H2AC4: variants seen among roughly 807,000 people sequenced by gnomAD.
The protein encoded by H2AC4 is H2A clustered histone 4, also known as histone H2A type 1-B/E.
In H2AC4, 8 loss-of-function variants were observed where a neutral mutation model predicts 6.1. That is an observed-to-expected ratio of 1.31 (90% CI 0.77 to 2.36). The LOEUF (loss-of-function observed/expected upper bound fraction) is 2.36. Among genes scored for constraint, H2AC4 ranks in the 30% most tolerant of loss-of-function variants. The pLI is 0.00. For missense variants in H2AC4, 260 were observed against 180.4 expected, an observed-to-expected ratio of 1.44 and a Z score of -2.53; for synonymous variants, 129 against 78.4, an observed-to-expected ratio of 1.64 and a Z score of -3.41.
Position 26,033,496 on chromosome 6 carries a change from G to T in H2AC4, c.73C>A (p.Gln25Lys). ...AKTRSSRAGL[Q>K]FPVGRVHRLL... The stretch of plus-strand genomic sequence containing the variant: ...CGGTGCACTCGGCCCACAGGAAACT[G>T]CAAACCTGCACGAGAAGACCGAGTC... Residue 25 changes from glutamine (Q) to lysine (K), a missense_variant, in exon 1 of 1, where the codon CAG (glutamine) becomes AAG (lysine). Physicochemically the swap from Gln to Lys is moderately conservative, Grantham distance 53 (BLOSUM62 1). Transcript: ENST00000615868. The T allele has an allele frequency of 1.9e-6, 3 of 1,614,190 alleles. No individual in the cohort carries two copies. The highest frequency in any genetic ancestry group is 2.5e-6 in the Non-Finnish European group (3 of 1,180,038).
rs145791004 is a variant in H2AC4, at chr6:26,033,445, C to T, written c.124G>A (p.Glu42Lys). Residue 42 changes from glutamate to lysine, a missense_variant, in exon 1 of 1, where the codon GAG becomes AAG. Coordinates refer to ENST00000615868, the MANE Select transcript of H2AC4 (RefSeq NM_003513.3). Reference sequence around the variant, plus strand: ...ACCGGCGCGCCAGCCCCGACGCGCTCGGAGTAGTTGCCTTTGCGGAGCAGG... The same window carrying T: ...ACCGGCGCGCCAGCCCCGACGCGCTTGGAGTAGTTGCCTTTGCGGAGCAGG... ...HRLLRKGNYS[E>K]RVGAGAPVYL... 3 of 1,614,116 alleles carry T rather than the reference C, an allele frequency of 1.9e-6. No individual in the cohort carries two copies. Among genetic ancestry groups the T allele is most frequent in the Non-Finnish European group, 8.5e-7 (1 of 1,180,016 alleles).
In H2AC4 at chr6:26,033,170, AACTCTTC is replaced by A; in HGVS notation, c.392_*5del. The A allele has an allele frequency of 6.2e-7, 1 of 1,613,856 alleles. No homozygotes were observed. Among genetic ancestry groups the A allele is most frequent in the Non-Finnish European group, 8.5e-7 (1 of 1,179,954 alleles). On this transcript the variant is annotated stop_lost and 3_prime_UTR_variant, in exon 1 of 1. Transcript: ENST00000615868. ...GAAAAACAGCAGTGCATGAAGCGTT[AACTCTTC>A]ACTTTCCCTTGGCCTTATGATGGCT...
At position 26,033,442 on chromosome 6, in the gene H2AC4, G is replaced by C. The variant is rs369896892; in HGVS notation, c.127C>G (p.Arg43Gly). The C allele has an allele frequency of 2.5e-6, 4 of 1,614,052 alleles. No homozygotes were observed. In the African/African-American group the frequency reaches 5.3e-5, roughly 22 times the overall value. The change falls in exon 1 of 1, where the codon CGC becomes GGC. Residue 43 changes from arginine (R) to glycine (G), a missense_variant. Transcript: ENST00000615868. ...RLLRKGNYSE[R>G]VGAGAPVYLA... The stretch of plus-strand genomic sequence containing the variant: ...TACACCGGCGCGCCAGCCCCGACGC[G>C]CTCGGAGTAGTTGCCTTTGCGGAGC...
Position 26,033,342 on chromosome 6 carries a change from T to TA in H2AC4, c.226_227insT (p.Lys76IlefsTer16). On this transcript the variant is annotated frameshift_variant, in exon 1 of 1. Transcript: ENST00000615868. LOFTEE classifies it high-confidence loss of function. ...CAGGTGGCGCGGGATGATGCGGGTCTTCTTGTTGTCGCGGGCCGCATTGCC... is the reference window on the plus strand; with the variant it reads ...CAGGTGGCGCGGGATGATGCGGGTCTATCTTGTTGTCGCGGGCCGCATTGCC... The TA allele has an allele frequency of 1.5e-5, 24 of 1,614,066 alleles. No individual in the cohort carries two copies. The highest frequency in any genetic ancestry group is 1.9e-5 in the Non-Finnish European group (22 of 1,179,982).
In H2AC4 at chr6:26,033,145, G is replaced by C. The variant is rs753614523; in HGVS notation, c.*31C>G. ...GTTAGGCTGATTTTGTCTGCTGACA[G>C]AAAAACAGCAGTGCATGAAGCGTTA... On this transcript the variant is annotated 3_prime_UTR_variant, in exon 1 of 1. Transcript: ENST00000615868. 4 of 1,604,864 alleles carry C rather than the reference G, an allele frequency of 2.5e-6. No individual in the cohort carries two copies. The South Asian group carries it at 3.4e-5, about 13-fold the overall frequency.
Position 26,033,413 on chromosome 6 carries a change from G to T in H2AC4, c.156C>A (p.Leu52=). 1 of 1,613,940 alleles carries T rather than the reference G, an allele frequency of 6.2e-7. No homozygotes were observed. The highest frequency in any genetic ancestry group is 8.5e-7 in the Non-Finnish European group (1 of 1,179,974). Residue 52 remains leucine (L), a synonymous_variant, in exon 1 of 1, where the codon CTC becomes CTA. Coordinates refer to ENST00000615868, the MANE Select transcript of H2AC4 (RefSeq NM_003513.3). ...ERVGAGAPVY[L]AAVLEYLTAE... ...CGGTCAGGTACTCAAGCACCGCCGC[G>T]AGATACACCGGCGCGCCAGCCCCGA...
At position 26,033,344 on chromosome 6, in the gene H2AC4, C is replaced by A; in HGVS notation, c.225G>T (p.Lys75Asn). 1 of 1,614,098 alleles carries A rather than the reference C, an allele frequency of 6.2e-7. No individual in the cohort carries two copies. The highest frequency in any genetic ancestry group is 8.5e-7 in the Non-Finnish European group (1 of 1,180,012). Reference protein sequence around the residue: ...ELAGNAARDNKKTRIIPRHLQ... With the variant: ...ELAGNAARDNNKTRIIPRHLQ... Reference sequence around the variant, plus strand: ...GGTGGCGCGGGATGATGCGGGTCTTCTTGTTGTCGCGGGCCGCATTGCCCG... The same window carrying A: ...GGTGGCGCGGGATGATGCGGGTCTTATTGTTGTCGCGGGCCGCATTGCCCG... The change falls in exon 1 of 1, where the codon AAG becomes AAT. Residue 75 changes from lysine to asparagine, a missense_variant. Lys to Asn is a moderately conservative substitution (Grantham distance 94). Transcript: ENST00000615868.
chr6:26,033,432 G>A lies in H2AC4; in HGVS notation c.137C>T (p.Ala46Val), dbSNP rs535683450. 19 of 1,614,178 alleles carry A rather than the reference G, an allele frequency of 1.2e-5. No homozygotes were observed. The Admixed American group carries it at 2.7e-4, about 23-fold the overall frequency. Residue 46 changes from alanine (A) to valine (V), a missense_variant, in exon 1 of 1, where the codon GCT (alanine) becomes GTT (valine). Physicochemically the swap from Ala to Val is moderately conservative, Grantham distance 64. Coordinates refer to ENST00000615868, the MANE Select transcript of H2AC4 (RefSeq NM_003513.3). ...CGCCGCGAGATACACCGGCGCGCCA[G>A]CCCCGACGCGCTCGGAGTAGTTGCC... is the stretch of plus-strand genomic sequence containing the variant. ...RKGNYSERVG[A>V]GAPVYLAAVL...
In H2AC4 at chr6:26,033,593, G is replaced by A. The variant is rs202164203; in HGVS notation, c.-25C>T. ...TAACTACTTCTGATAAGGGAAAATC[G>A]CCACAAGAAAATGTAATGAAACTAC... On this transcript the variant is annotated 5_prime_UTR_variant, in exon 1 of 1. Coordinates refer to ENST00000615868, the MANE Select transcript of H2AC4 (RefSeq NM_003513.3). 201 of 1,605,148 alleles carry A rather than the reference G, an allele frequency of 1.3e-4. 1 individual carries two copies. The highest frequency in any genetic ancestry group is 9.1e-4 in the East Asian group (41 of 44,830).
rs556811794 is a variant in H2AC4 at position 26,033,606 on chromosome 6, G to A, written c.-38C>T. The stretch of plus-strand genomic sequence containing the variant: ...TAAGGGAAAATCGCCACAAGAAAAT[G>A]TAATGAAACTACATTAGAACGCAAG... On this transcript the variant is annotated 5_prime_UTR_variant, in exon 1 of 1. Coordinates refer to ENST00000615868, the MANE Select transcript of H2AC4 (RefSeq NM_003513.3). 24 of 1,603,852 alleles carry A rather than the reference G, an allele frequency of 1.5e-5. No individual in the cohort carries two copies. The highest frequency in any genetic ancestry group is 2.7e-5 in the African/African-American group (2 of 73,986).
rs1761505631 is a variant in H2AC4, at chr6:26,033,422, C to T, written c.147G>A (p.Pro49=). 4 of 1,613,918 alleles carry T rather than the reference C, an allele frequency of 2.5e-6. No individual in the cohort carries two copies. Among genetic ancestry groups the T allele is most frequent in the African/African-American group, 2.7e-5 (2 of 74,918 alleles). ...NYSERVGAGA[P]VYLAAVLEYL... is the part of the protein sequence containing the mutation. ...ACTCAAGCACCGCCGCGAGATACAC[C>T]GGCGCGCCAGCCCCGACGCGCTCGG... Residue 49 remains proline, a synonymous_variant, in exon 1 of 1, where the codon CCG becomes CCA. Coordinates refer to ENST00000615868, the MANE Select transcript of H2AC4 (RefSeq NM_003513.3).
At position 26,033,096 on chromosome 6, in the gene H2AC4, G is replaced by T; in HGVS notation, c.*80C>A. On this transcript the variant is annotated 3_prime_UTR_variant, in exon 1 of 1. Transcript: ENST00000615868. ...ACAGCTCATTTAATGGAAGTCGTAG[G>T]TGGCTCTGAAAAGAGCCTTTGCTGT... The T allele has an allele frequency of 2.6e-6, 4 of 1,522,160 alleles. No individual in the cohort carries two copies. The highest frequency in any genetic ancestry group is 2.7e-6 in the Non-Finnish European group (3 of 1,116,868). The allele number at this position is 1,522,160 out of a possible 1,614,324, so 94.3% of individuals were successfully genotyped here. A position where few individuals can be genotyped will look rare whatever the true frequency, so the allele number is the denominator to read the frequency against.
chr6:26,033,150 A>G lies in H2AC4; in HGVS notation c.*26T>C. 1.9e-6 allele frequency: 3 copies of G among 1,606,074 alleles called. No individual in the cohort carries two copies. Among genetic ancestry groups the G allele is most frequent in the African/African-American group, 1.3e-5 (1 of 74,244 alleles). ...GCTGATTTTGTCTGCTGACAGAAAA[A>G]CAGCAGTGCATGAAGCGTTAACTCT... On this transcript the variant is annotated 3_prime_UTR_variant, in exon 1 of 1. Coordinates refer to ENST00000615868, the MANE Select transcript of H2AC4 (RefSeq NM_003513.3).
chr6:26,033,277 A>G lies in H2AC4; in HGVS notation c.292T>C (p.Leu98=), dbSNP rs1761500170. 2 of 1,614,136 alleles carry G rather than the reference A, an allele frequency of 1.2e-6. No homozygotes were observed. Among genetic ancestry groups the G allele is most frequent in the Non-Finnish European group, 8.5e-7 (1 of 1,180,004 alleles). ...IRNDEELNKL[L]GRVTIAQGGV... is the part of the protein sequence containing the mutation. ...CCCTGCGCGATGGTCACACGCCCCA[A>G]GAGTTTATTAAGCTCCTCGTCATTG... is the stretch of plus-strand genomic sequence containing the variant. The change falls in exon 1 of 1, where the codon TTG becomes CTG. Residue 98 remains leucine (L), a synonymous_variant. Coordinates refer to ENST00000615868, the MANE Select transcript of H2AC4 (RefSeq NM_003513.3).
chr6:26,033,275 C>T lies in H2AC4; in HGVS notation c.294G>A (p.Leu98=), dbSNP rs1407533118. ...IRNDEELNKL[L]GRVTIAQGGV... ...CACCCTGCGCGATGGTCACACGCCC[C>T]AAGAGTTTATTAAGCTCCTCGTCAT... Residue 98 remains leucine (L), a synonymous_variant, in exon 1 of 1, where the codon TTG becomes TTA. Transcript: ENST00000615868. The T allele has an allele frequency of 1.9e-6, 3 of 1,614,146 alleles. No homozygotes were observed. The highest frequency in any genetic ancestry group is 2.2e-5 in the South Asian group (2 of 91,074).
chr6:26,033,369 G>A lies in H2AC4; in HGVS notation c.200C>T (p.Ala67Val), dbSNP rs753982270. The change falls in exon 1 of 1, where the codon GCG (alanine) becomes GTG (valine). Residue 67 changes from alanine (A) to valine (V), a missense_variant. Ala to Val is a moderately conservative substitution (Grantham distance 64). Transcript: ENST00000615868. ...EYLTAEILELAGNAARDNKKT... is the reference protein window; with the variant it reads ...EYLTAEILELVGNAARDNKKT... ...CTTGTTGTCGCGGGCCGCATTGCCC[G>A]CCAGCTCCAGGATCTCGGCGGTCAG... 1.2e-5 allele frequency: 19 copies of A among 1,613,912 alleles called. No individual in the cohort carries two copies. The highest frequency in any genetic ancestry group is 8.9e-5 in the East Asian group (4 of 44,872).
At position 26,033,565 on chromosome 6, in the gene H2AC4, A is replaced by C; in HGVS notation, c.4T>G (p.Ser2Ala). 2 of 1,551,160 alleles carry C rather than the reference A, an allele frequency of 1.3e-6. No individual in the cohort carries two copies. The highest frequency in any genetic ancestry group is 1.1e-5 in the South Asian group (1 of 89,090). The change falls in exon 1 of 1, where the codon TCT becomes GCT. Residue 2 changes from serine (S) to alanine (A), a missense_variant. Physicochemically the swap from Ser to Ala is moderately conservative, Grantham distance 99. Transcript: ENST00000615868. ...TTACCGCCTTGTTTGCCGCGACCAG[A>C]CATAACTACTTCTGATAAGGGAAAA... is the stretch of plus-strand genomic sequence containing the variant. M[S>A]GRGKQGGKAR...
chr6:26,033,105 AAAAG>A lies in H2AC4; in HGVS notation c.*67_*70del. 6.4e-7 allele frequency: 1 copy of A among 1,569,614 alleles called. No homozygotes were observed. Among genetic ancestry groups the A allele is most frequent in the Non-Finnish European group, 8.7e-7 (1 of 1,154,568 alleles). On this transcript the variant is annotated 3_prime_UTR_variant, in exon 1 of 1. Coordinates refer to ENST00000615868, the MANE Select transcript of H2AC4 (RefSeq NM_003513.3). The stretch of plus-strand genomic sequence containing the variant: ...TTAATGGAAGTCGTAGGTGGCTCTG[AAAAG>A]AGCCTTTGCTGTTAGGCTGATTTTG...
rs761147784 is a variant in H2AC4, at chr6:26,033,260, G to C, written c.309C>G (p.Ile103Met). The change falls in exon 1 of 1, where the codon ATC (isoleucine) becomes ATG (methionine). Residue 103 changes from isoleucine to methionine, a missense_variant. Physicochemically the swap from Ile to Met is conservative, Grantham distance 10. Coordinates refer to ENST00000615868, the MANE Select transcript of H2AC4 (RefSeq NM_003513.3). ...TATTAGGCAAAACGCCACCCTGCGC[G>C]ATGGTCACACGCCCCAAGAGTTTAT... ...ELNKLLGRVT[I>M]AQGGVLPNIQ... is the part of the protein sequence containing the mutation. The C allele has an allele frequency of 1.2e-6, 2 of 1,614,194 alleles. No homozygotes were observed. Among genetic ancestry groups the C allele is most frequent in the East Asian group, 2.2e-5 (1 of 44,874 alleles).
Sources: allele counts gnomAD v4.1 joint callset, GRCh38; gene constraint gnomAD v4.1.1; transcripts MANE v1.5; gene names NCBI Gene and HGNC (gene_info 2026-07-23, HGNC 2026-07-21).